Variants in PTAR1 observed in about 807,000 individuals in gnomAD.
PTAR1 encodes the protein protein prenyltransferase alpha subunit repeat-containing protein 1.
PTAR1 carries 17 observed loss-of-function variants against 45.5 expected under a neutral mutation model. The observed-to-expected ratio is 0.37, with a 90% CI of 0.26 to 0.56. The LOEUF (loss-of-function observed/expected upper bound fraction) is 0.56. Ranked by LOEUF, PTAR1 falls within the 20% of genes least tolerant of loss-of-function variation. PTAR1 has a pLI of 0.77. For synonymous variants in PTAR1, 169 were observed against 171.3 expected (o/e 0.99, Z 0.11); for missense variants, 391 against 476.3 (o/e 0.82, Z 1.67).
chr9:69,746,717 G>C (rs766387778), intron 2 of PTAR1, among the ~76,000 whole-genome samples: 2 of 152,096 alleles, frequency 1.3e-5, no homozygotes, highest in Non-Finnish European at 2.9e-5. Flanking sequence ...AGAAATCAGG[G>C]CACATTATAC....
rs1824522222 is a variant in PTAR1 at position 69,711,495 on chromosome 9, A to G, written c.*6847T>C. On this transcript the variant is annotated 3_prime_UTR_variant, in exon 8 of 8. Coordinates refer to ENST00000340434, the MANE Select transcript of PTAR1 (RefSeq NM_001099666.2). Reference sequence around the variant, plus strand: ...CTCATGCCAAAGATGTTCTGAGAAAACAAGCAGAAGTTTATTGTAACTTCA... The same window carrying G: ...CTCATGCCAAAGATGTTCTGAGAAAGCAAGCAGAAGTTTATTGTAACTTCA... The G allele has an allele frequency of 6.6e-6, 1 of 152,160 alleles. No homozygotes were observed. Among genetic ancestry groups the G allele is most frequent in the African/African-American group, 2.4e-5 (1 of 41,444 alleles). 9.4% of individuals were successfully genotyped at this position (152,160 alleles called of 1,614,324 possible).
intron 1 of PTAR1, among the ~76,000 whole-genome samples, chr9:69,752,642 C>A (rs370320848): frequency 1.3e-5 from 2 of 152,074 alleles, no homozygotes; most frequent in African/African-American, 4.8e-5. Flanking sequence ...AAGAATAAAG[C>A]AAAGTGGTCT....
intron 1 of PTAR1, among the ~76,000 whole-genome samples, chr9:69,755,167 A>T (rs1378889976): frequency 6.6e-6 from 1 of 152,168 alleles, no homozygotes; most frequent in Non-Finnish European, 1.5e-5. Flanking sequence ...AGATCATAGG[A>T]TTTTTAAAGA....
intron 4 of PTAR1, among the ~76,000 whole-genome samples, chr9:69,732,654 GA>G (rs1202788340): frequency 6.6e-6 from 1 of 152,076 alleles, no homozygotes; most frequent in Non-Finnish European, 1.5e-5. Flanking sequence ...ACTTGGCCAG[GA>G]AATGTAAAGG....
intron 5 of PTAR1, among the ~76,000 whole-genome samples, chr9:69,724,174 T>C (rs185135206): frequency 6.6e-5 from 10 of 152,274 alleles, no homozygotes; most frequent in Admixed American, 1.3e-4. Context: ...AAGGGATTAG[T>C]AGAAAAACAT....
intron 6 of PTAR1, among the ~76,000 whole-genome samples, chr9:69,721,753 C>A (rs530699639): frequency 6.6e-6 from 1 of 152,308 alleles, no homozygotes; most frequent in African/African-American, 2.4e-5. Flanking sequence ...TTGCAACTTG[C>A]TGAAGGGTCG....
In PTAR1 at chr9:69,712,931, T is replaced by C. The variant is rs191510711; in HGVS notation, c.*5411A>G. On this transcript the variant is annotated 3_prime_UTR_variant, in exon 8 of 8. Coordinates refer to ENST00000340434, the MANE Select transcript of PTAR1 (RefSeq NM_001099666.2). Reference sequence around the variant, plus strand: ...TATCTACTAGCTACTGTACTGGTAATAGTTTATAAAAAATACGATCTATAC... The same window carrying C: ...TATCTACTAGCTACTGTACTGGTAACAGTTTATAAAAAATACGATCTATAC... 3 of 152,088 alleles carry C rather than the reference T, an allele frequency of 2.0e-5. No homozygotes were observed. Among genetic ancestry groups the C allele is most frequent in the African/African-American group, 7.2e-5 (3 of 41,418 alleles). 9.4% of individuals were successfully genotyped at this position (152,088 alleles called of 1,614,324 possible).
intron 3 of PTAR1, among the ~76,000 whole-genome samples, chr9:69,737,396 A>T (rs944828023): frequency 3.9e-5 from 6 of 152,102 alleles, no homozygotes; most frequent in African/African-American, 9.7e-5. Flanking sequence ...GCTACATTTT[A>T]AAAAAATCAA....
chr9:69,748,804 T>C (rs771611592), intron 2 of PTAR1, among the ~76,000 whole-genome samples: 10 of 152,156 alleles, frequency 6.6e-5, no homozygotes, highest in Non-Finnish European at 1.2e-4. Context: ...TTTGGCAGAA[T>C]ACTCTTTTAT....
chr9:69,750,675 AAGC>A, intron 2 of PTAR1, 103 bp downstream of exon 2: 1 of 801,974 alleles, frequency 1.2e-6, no homozygotes, highest in East Asian at 2.7e-5. Context: ...TGAACAGAAG[AAGC>A]AGAACTAGAA....
Position 69,759,968 on chromosome 9 carries a change from G to T in PTAR1, c.-30C>A, listed in dbSNP as rs1827021317. 1.4e-6 allele frequency: 2 copies of T among 1,445,200 alleles called. No homozygotes were observed. The highest frequency in any genetic ancestry group is 1.8e-6 in the Non-Finnish European group (2 of 1,090,942). The allele number at this position is 1,445,200 out of a possible 1,614,324, so 89.5% of individuals were successfully genotyped here. A position where few individuals can be genotyped will look rare whatever the true frequency, so the allele number is the denominator to read the frequency against. On this transcript the variant is annotated 5_prime_UTR_variant, in exon 1 of 8. Transcript: ENST00000340434. ...GCGGCGGCCGCGACAGTTCGGGCGC[G>T]CCTCCGCGTGAGCCGGGCCGCCGGC... is the stretch of plus-strand genomic sequence containing the variant.
At position 69,731,215 on chromosome 9, in the gene PTAR1, T is replaced by C. The variant is rs533998774; in HGVS notation, c.642+924A>G. On this transcript the variant is annotated intron_variant, in intron 5 of 7. Transcript: ENST00000340434. Reference sequence around the variant, plus strand: ...GGAAACAAAGAGAGAAATGGGAGCATGGGAAGAGGGATGTAGGAAGAAGAG... The same window carrying C: ...GGAAACAAAGAGAGAAATGGGAGCACGGGAAGAGGGATGTAGGAAGAAGAG... Among the ~76,000 whole-genome samples the C allele has an allele frequency of 3.3e-5, 5 of 152,236 alleles. No individual in the cohort carries two copies. The East Asian group carries it at 7.7e-4, about 24-fold the overall frequency.
rs535713461 is a variant in PTAR1, at chr9:69,751,788, A to C, written c.87-838T>G. Among the ~76,000 whole-genome samples the C allele has an allele frequency of 3.3e-5, 5 of 152,236 alleles. No homozygotes were observed. In the South Asian group the frequency reaches 1.0e-3, roughly 32 times the overall value. On this transcript the variant is annotated intron_variant, in intron 1 of 7. Coordinates refer to ENST00000340434, the MANE Select transcript of PTAR1 (RefSeq NM_001099666.2). ...TAAAAAACCACCCAAATAAATGTTAAAACACAAAATACATTTCAGAATTCA... is the reference window on the plus strand; with the variant it reads ...TAAAAAACCACCCAAATAAATGTTACAACACAAAATACATTTCAGAATTCA...
At chr9:69,723,284 A>G in intron 6 of PTAR1, 42 bp downstream of exon 6, 5 of 1,532,036 alleles carry the variant, frequency 3.3e-6, no homozygotes, top group Non-Finnish European at 4.5e-6. Context: ...TCTCATGAAG[A>G]CATGCAGTTT....
chr9:69,751,077 C>T (rs989214732), intron 1 of PTAR1, 127 bp from the exon 2 acceptor site: 1 of 690,440 alleles, frequency 1.4e-6, no homozygotes, highest in Non-Finnish European at 2.4e-6. Flanking sequence ...ATTTAGCTCA[C>T]TTACTGGGAT....
In PTAR1 at chr9:69,712,510, T is replaced by C. The variant is rs1293980486; in HGVS notation, c.*5832A>G. The C allele has an allele frequency of 6.6e-6, 1 of 152,218 alleles. No individual in the cohort carries two copies. The allele number at this position is 152,218 out of a possible 1,614,324, so 9.4% of individuals were successfully genotyped here. On this transcript the variant is annotated 3_prime_UTR_variant, in exon 8 of 8. Transcript: ENST00000340434. ...TATGTATTTTATGCAAAATGGTATA[T>C]TTTTCCCAAAGCTAAGAATATGGAC...
intron 5 of PTAR1, among the ~76,000 whole-genome samples, chr9:69,731,245 G>C (rs1825520907): frequency 1.3e-5 from 2 of 152,150 alleles, no homozygotes; most frequent in Admixed American, 1.3e-4. Context: ...GAAGAGGGTG[G>C]TAAGTTAAAA....
chr9:69,752,534 T>C (rs1826578314), intron 1 of PTAR1, among the ~76,000 whole-genome samples: 2 of 152,086 alleles, frequency 1.3e-5, no homozygotes, highest in Admixed American at 6.6e-5. Flanking sequence ...ATTGGTTCCG[T>C]TGACTCAAAG....
At chr9:69,734,995 C>T (rs1329133230) in intron 3 of PTAR1, among the ~76,000 whole-genome samples, 4 of 152,088 alleles carry the variant, frequency 2.6e-5, no homozygotes, top group Non-Finnish European at 2.9e-5. Flanking sequence ...TATTTTAAAA[C>T]AAATCTGGGC....
Sources: gnomAD v4.1 joint callset for allele counts (sites outside exome capture counted in the v4.1 genomes callset) on GRCh38, gnomAD v4.1.1 for gene constraint, MANE v1.5 for transcripts, NCBI Gene and HGNC (gene_info 2026-07-23, HGNC 2026-07-21) for gene names.